The following IGF1R variants were observed in gnomAD, a reference collection of about 807,000 sequenced individuals.
IGF1R encodes the protein insulin like growth factor 1 receptor.
In IGF1R, 44 loss-of-function variants were observed where a neutral mutation model predicts 144.6. The observed-to-expected ratio is 0.30, with a 90% CI of 0.24 to 0.39. The LOEUF (loss-of-function observed/expected upper bound fraction) is 0.39. Among genes scored for constraint, IGF1R ranks in the 10% least tolerant of loss-of-function variants. The pLI is 1.00. For synonymous variants in IGF1R, 795 were observed against 722.8 expected, an observed-to-expected ratio of 1.10 and a Z score of -1.60; for missense variants, 1,355 against 1,833.7, an observed-to-expected ratio of 0.74 and a Z score of 4.77.
chr15:98,684,584 T>C (rs1172063511), intron 1 of IGF1R, among the ~76,000 whole-genome samples: 1 of 152,174 alleles, frequency 6.6e-6, no homozygotes, highest in East Asian at 1.9e-4. Flanking sequence ...AGATCTTTTA[T>C]GGCCTTTTCT....
intron 2 of IGF1R, among the ~76,000 whole-genome samples, chr15:98,859,560 G>A (rs548283441): frequency 4.3e-4 from 65 of 152,264 alleles, no homozygotes; most frequent in African/African-American, 1.5e-3. Context: ...CAAGGTTTCT[G>A]AAACAAAAAG....
Position 98,662,227 on chromosome 15 carries a change from G to A in IGF1R, c.94+12552G>A, listed in dbSNP as rs1214447864. On this transcript the variant is annotated intron_variant, in intron 1 of 20. Coordinates refer to ENST00000650285, the MANE Select transcript of IGF1R (RefSeq NM_000875.5). ...AACTCCTGGCCTCAAGCAATCCACC[G>A]ACCTCGGCCTCCCATAGTGCTGGGA... 2.6e-5 allele frequency among the ~76,000 whole-genome samples: 4 copies of A among 151,736 alleles called. No individual in the cohort carries two copies. The South Asian group carries it at 8.3e-4, about 32-fold the overall frequency.
chr15:98,911,442 G>A lies in IGF1R; in HGVS notation c.1589+1G>A, dbSNP rs749713600. The A allele has an allele frequency of 1.9e-6, 3 of 1,614,174 alleles. No individual in the cohort carries two copies. The highest frequency in any genetic ancestry group is 3.3e-5 in the Admixed American group (2 of 60,028). On this transcript the variant is annotated splice_donor_variant, in intron 7 of 20. Coordinates refer to ENST00000650285, the MANE Select transcript of IGF1R (RefSeq NM_000875.5). LOFTEE classifies it high-confidence loss of function. Reference sequence around the variant, plus strand: ...GCTTCACCGTTTACTACAAGGAAGCGTGAGTTTCTGCTTTGGGTGATGCCA... The same window carrying A: ...GCTTCACCGTTTACTACAAGGAAGCATGAGTTTCTGCTTTGGGTGATGCCA...
intron 1 of IGF1R, among the ~76,000 whole-genome samples, chr15:98,676,972 G>A (rs1356319761): frequency 4.0e-5 from 6 of 151,684 alleles, no homozygotes; most frequent in Non-Finnish European, 7.4e-5. Context: ...GTCTCGCTCC[G>A]TTACCCAGGC....
intron 1 of IGF1R, among the ~76,000 whole-genome samples, chr15:98,671,410 C>G (rs916744321): frequency 1.3e-5 from 2 of 152,172 alleles, no homozygotes; most frequent in East Asian, 3.8e-4. Context: ...GCTATCACCC[C>G]CTCTCCTTAG....
chr15:98,674,977 ATTT>A (rs71149408), intron 1 of IGF1R, among the ~76,000 whole-genome samples: 80 of 98,904 alleles, frequency 8.1e-4, no homozygotes, highest in African/African-American at 3.1e-3. Context: ...GTATTTTACA[ATTT>A]TTTTTTTTTT....
At position 98,891,986 on chromosome 15, in the gene IGF1R, C is replaced by T. The variant is rs1040363017; in HGVS notation, c.953+349C>T. On this transcript the variant is annotated intron_variant, in intron 3 of 20. Coordinates refer to ENST00000650285, the MANE Select transcript of IGF1R (RefSeq NM_000875.5). This position sits in a 1 kb window ranked among gnomAD's most constrained non-coding sequence, Gnocchi z 4.7. ...ACAGGGAACTGTAGTTTTGGATTTT[C>T]CTAGTCTGGGTGCTGCTAGCCAGGT... 1.3e-5 allele frequency among the ~76,000 whole-genome samples: 2 copies of T among 152,154 alleles called. No homozygotes were observed. Among genetic ancestry groups the T allele is most frequent in the African/African-American group, 4.8e-5 (2 of 41,428 alleles).
rs895999590 is a variant in IGF1R, at chr15:98,963,942, T to C, written c.*6500T>C. On this transcript the variant is annotated 3_prime_UTR_variant, in exon 21 of 21. Coordinates refer to ENST00000650285, the MANE Select transcript of IGF1R (RefSeq NM_000875.5). ...AAACACCTGGGGTTTTTGCGCTACA[T>C]AGGAGAAAGATCTGGAAACTATTTG... 1 of 233,220 alleles carries C rather than the reference T, an allele frequency of 4.3e-6. No homozygotes were observed. Among genetic ancestry groups the C allele is most frequent in the African/African-American group, 2.2e-5 (1 of 45,354 alleles). 14.4% of individuals were successfully genotyped at this position (233,220 alleles called of 1,614,324 possible).
intron 2 of IGF1R, among the ~76,000 whole-genome samples, chr15:98,817,828 G>A (rs188831162): frequency 3.3e-5 from 5 of 152,226 alleles, no homozygotes; most frequent in African/African-American, 1.2e-4. Context: ...CAGACATTTC[G>A]TGATTTGCCC....
chr15:98,845,333 G>A (rs1365264826), intron 2 of IGF1R, among the ~76,000 whole-genome samples: 9 of 151,686 alleles, frequency 5.9e-5, no homozygotes, highest in Non-Finnish European at 1.2e-4. Flanking sequence ...GAGTCAGTCG[G>A]GCTGTGTCTC....
chr15:98,689,705 T>A (rs965740354), intron 1 of IGF1R, among the ~76,000 whole-genome samples: 3 of 152,210 alleles, frequency 2.0e-5, no homozygotes, highest in African/African-American at 7.2e-5. Context: ...TTTGCTGCCA[T>A]CACAGATGGA....
intron 2 of IGF1R, among the ~76,000 whole-genome samples, chr15:98,887,340 C>A (rs1287638844): frequency 6.6e-6 from 1 of 151,056 alleles, no homozygotes; most frequent in African/African-American, 2.4e-5. Context: ...TCTTTTCTTT[C>A]TCATCCTGGA....
intron 1 of IGF1R, among the ~76,000 whole-genome samples, chr15:98,688,324 C>T: frequency 7.9e-6 from 1 of 126,630 alleles, no homozygotes; most frequent in South Asian, 2.8e-4. Context: ...TCCCACTCTC[C>T]CTCCTCTCTC....
At chr15:98,934,279 C>A (rs535205310) in intron 15 of IGF1R, among the ~76,000 whole-genome samples, 1 of 152,236 alleles carries the variant, frequency 6.6e-6, no homozygotes, top group East Asian at 1.9e-4. Context: ...TTGGATTCAT[C>A]CAAGAAGTAG....
intron 1 of IGF1R, among the ~76,000 whole-genome samples, chr15:98,681,207 CT>C (rs1417674112): frequency 6.6e-6 from 1 of 152,172 alleles, no homozygotes; most frequent in Non-Finnish European, 1.5e-5. Context: ...GATTCTGTGT[CT>C]TTACAAGTCT....
intron 2 of IGF1R, among the ~76,000 whole-genome samples, chr15:98,888,424 T>TGAGA (rs773656677): frequency 0.02 from 2,927 of 144,820 alleles, 80 homozygotes; most frequent in African/African-American, 0.063. Context: ...GGGGGTTTGA[T>TGAGA]GAGAGAGAGA....
At chr15:98,714,231 G>C (rs2054063077) in intron 2 of IGF1R, among the ~76,000 whole-genome samples, 1 of 152,014 alleles carries the variant, frequency 6.6e-6, no homozygotes, top group African/African-American at 2.4e-5. Flanking sequence ...TTGTTTGTCA[G>C]CCACTGCTCA....
rs563317317 is a variant in IGF1R, at chr15:98,724,825, C to A, written c.640+16718C>A. On this transcript the variant is annotated intron_variant, in intron 2 of 20. Coordinates refer to ENST00000650285, the MANE Select transcript of IGF1R (RefSeq NM_000875.5). ...CGGATCCTTCAGACCTGTGCAGTAC[C>A]TGTGGATTTGGTTAGTCGATGATGC... Among the ~76,000 whole-genome samples the A allele has an allele frequency of 1.2e-4, 18 of 152,294 alleles. 1 individual carries two copies. The South Asian group carries it at 3.7e-3, about 32-fold the overall frequency.
rs546915500 is a variant in IGF1R at position 98,953,567 on chromosome 15, G to A, written c.3723-3494G>A. 9.1e-4 allele frequency among the ~76,000 whole-genome samples: 138 copies of A among 152,250 alleles called. 1 individual carries two copies. The South Asian group carries it at 0.015, about 16-fold the overall frequency. On this transcript the variant is annotated intron_variant, in intron 20 of 20. Coordinates refer to ENST00000650285, the MANE Select transcript of IGF1R (RefSeq NM_000875.5). ...GAAACGTAGTGACGTAAAAGGTCCC[G>A]GCTGCTGCGGGATAAGGGCCAGGGC...
Sources: allele counts gnomAD v4.1 joint callset (sites outside exome capture counted in the v4.1 genomes callset), GRCh38; gene constraint gnomAD v4.1.1; non-coding constraint Gnocchi (gnomAD v3.1); transcripts MANE v1.5; gene names NCBI Gene and HGNC (gene_info 2026-07-23, HGNC 2026-07-21).